The following SND1 variants were observed in gnomAD, a reference collection of about 807,000 sequenced individuals.
SND1 encodes staphylococcal nuclease domain-containing protein 1.
Under a neutral mutation model 121.7 loss-of-function variants are expected in SND1, and 38 were observed. That is an observed-to-expected ratio of 0.31 (90% CI 0.24 to 0.41). The LOEUF (loss-of-function observed/expected upper bound fraction) is 0.41, where lower values mean the gene tolerates loss of function less well. Ranked by LOEUF, SND1 falls within the 10% of genes least tolerant of loss-of-function variation. SND1 has a pLI of 1.00. For missense variants in SND1, 868 were observed against 1,184.6 expected (o/e 0.73, Z 3.92); for synonymous variants, 401 against 447.4 (o/e 0.90, Z 1.31).
At chr7:128,059,065 C>A (rs547011441) in intron 16 of SND1, among the ~76,000 whole-genome samples, 1 of 152,304 alleles carries the variant, frequency 6.6e-6, no homozygotes, top group South Asian at 2.1e-4. Flanking sequence ...TCCCAAAATT[C>A]TACCCTCGTT....
intron 12 of SND1, among the ~76,000 whole-genome samples, chr7:127,867,838 T>C (rs1799506929): frequency 6.6e-6 from 1 of 152,026 alleles, no homozygotes; most frequent in African/African-American, 2.4e-5. Flanking sequence ...AGCCATGACC[T>C]GGCCCCTCCC....
intron 1 of SND1, among the ~76,000 whole-genome samples, chr7:127,655,545 A>T (rs1795195437): frequency 1.3e-5 from 2 of 152,228 alleles, no homozygotes; most frequent in African/African-American, 4.8e-5. Flanking sequence ...CTGAGTTGGG[A>T]TGAGACTAGC....
intron 10 of SND1, among the ~76,000 whole-genome samples, chr7:127,784,874 A>T (rs1797783760): frequency 6.6e-6 from 1 of 152,194 alleles, no homozygotes; most frequent in Non-Finnish European, 1.5e-5. Context: ...AAACCCCATG[A>T]TCATGAAAGT....
chr7:127,761,319 T>C (rs939627161), intron 10 of SND1, among the ~76,000 whole-genome samples: 1 of 152,232 alleles, frequency 6.6e-6, no homozygotes, highest in Non-Finnish European at 1.5e-5. Flanking sequence ...AACCCCAAGA[T>C]TCAAAAGCTG....
intron 10 of SND1, among the ~76,000 whole-genome samples, chr7:127,727,469 C>T (rs972090780): frequency 3.9e-5 from 6 of 152,168 alleles, no homozygotes; most frequent in African/African-American, 9.7e-5. Context: ...ACCCTCAAGC[C>T]GACTTTGCCG....
chr7:127,758,687 T>C (rs536522824), intron 10 of SND1, among the ~76,000 whole-genome samples: 3 of 152,332 alleles, frequency 2.0e-5, no homozygotes, highest in African/African-American at 7.2e-5. Flanking sequence ...TAAACTAATA[T>C]GTAATCCATT....
chr7:127,680,749 C>T (rs1355769791), intron 1 of SND1, among the ~76,000 whole-genome samples: 4 of 149,332 alleles, frequency 2.7e-5, no homozygotes, highest in East Asian at 2.0e-4. Flanking sequence ...GGTTCTGAGG[C>T]GACATACATC....
chr7:127,935,203 G>T (rs924329109), intron 15 of SND1, among the ~76,000 whole-genome samples: 2 of 152,144 alleles, frequency 1.3e-5, no homozygotes, highest in African/African-American at 2.4e-5. Flanking sequence ...AGTACAGATT[G>T]CACTTCCCTG....
chr7:127,874,410 A>G (rs780774808), intron 12 of SND1, among the ~76,000 whole-genome samples: 18 of 152,276 alleles, frequency 1.2e-4, no homozygotes, highest in Middle Eastern at 3.4e-3. Context: ...CATTTTTTGT[A>G]TCAGGACCCT....
chr7:127,693,967 T>C (rs1007373721), intron 2 of SND1, among the ~76,000 whole-genome samples: 2 of 152,122 alleles, frequency 1.3e-5, no homozygotes, highest in Non-Finnish European at 2.9e-5. Flanking sequence ...TTGTGTATTA[T>C]CTTGAGATGA....
intron 16 of SND1, among the ~76,000 whole-genome samples, chr7:128,045,143 T>C (rs1003064565): frequency 6.6e-6 from 1 of 152,206 alleles, no homozygotes; most frequent in African/African-American, 2.4e-5. Context: ...AGGCCAGATA[T>C]TTGGATCAGA....
chr7:128,001,389 A>T (rs1264109481), intron 16 of SND1, among the ~76,000 whole-genome samples: 2 of 152,212 alleles, frequency 1.3e-5, no homozygotes, highest in Admixed American at 1.3e-4. Flanking sequence ...CTGTCTGACC[A>T]TGCACACATC....
At position 128,029,619 on chromosome 7, in the gene SND1, A is replaced by G. The variant is rs1208033614; in HGVS notation, c.1779+38563A>G. ...CTGGAAGGAGGCCTGGTCCACCTCCACGAGGTAGCGGCCTCGCATGTGCAT... is the reference window on the plus strand; with the variant it reads ...CTGGAAGGAGGCCTGGTCCACCTCCGCGAGGTAGCGGCCTCGCATGTGCAT... On this transcript the variant is annotated intron_variant, in intron 16 of 23. Transcript: ENST00000354725. The surrounding 1 kb of genome is among the most constrained non-coding windows in gnomAD (Gnocchi z 4.2). 1.9e-6 allele frequency: 3 copies of G among 1,613,932 alleles called. No individual in the cohort carries two copies. In the African/African-American group the frequency reaches 4.0e-5, roughly 22 times the overall value.
chr7:128,026,470 A>G (rs1230480573), intron 16 of SND1, among the ~76,000 whole-genome samples: 2 of 152,210 alleles, frequency 1.3e-5, no homozygotes, highest in Non-Finnish European at 1.5e-5. Context: ...CTCAGTCCCA[A>G]TTCCCTGCAT....
intron 15 of SND1, among the ~76,000 whole-genome samples, chr7:127,990,145 A>T (rs1802488327): frequency 6.6e-6 from 1 of 152,228 alleles, no homozygotes; most frequent in African/African-American, 2.4e-5. Flanking sequence ...AAACGTCTCC[A>T]TGTGGCAGGC....
intron 12 of SND1, among the ~76,000 whole-genome samples, chr7:127,880,879 G>A (rs1192920341): frequency 6.6e-6 from 1 of 152,082 alleles, no homozygotes; most frequent in African/African-American, 2.4e-5. Flanking sequence ...CTCCCACAGC[G>A]CAGGGAGGGA....
intron 12 of SND1, among the ~76,000 whole-genome samples, chr7:127,881,136 T>C (rs1037933009): frequency 6.6e-6 from 1 of 152,120 alleles, no homozygotes; most frequent in African/African-American, 2.4e-5. Flanking sequence ...GCTTCACTTC[T>C]CACCTTCCAG....
intron 12 of SND1, among the ~76,000 whole-genome samples, chr7:127,859,164 T>A (rs776018404): frequency 5.3e-5 from 8 of 152,234 alleles, no homozygotes; most frequent in Non-Finnish European, 8.8e-5. Flanking sequence ...ATGTTTAATG[T>A]CAAGCCAATA....
At chr7:128,040,387 C>T (rs890742738) in intron 16 of SND1, among the ~76,000 whole-genome samples, 9 of 140,452 alleles carry the variant, frequency 6.4e-5, no homozygotes, top group African/African-American at 1.9e-4. Flanking sequence ...GACCTGAGAT[C>T]GCACCACTCA....
Sources: gnomAD v4.1 joint callset for allele counts (sites outside exome capture counted in the v4.1 genomes callset) on GRCh38, gnomAD v4.1.1 for gene constraint, Gnocchi (gnomAD v3.1) non-coding constraint, MANE v1.5 for transcripts, NCBI Gene and HGNC (gene_info 2026-07-23, HGNC 2026-07-21) for gene names.